The following ADCY9 variants were observed in gnomAD, a reference collection of about 807,000 sequenced individuals.
The protein encoded by ADCY9 is adenylate cyclase type 9.
Under a neutral mutation model 101.5 loss-of-function variants are expected in ADCY9, and 50 were observed. That is an observed-to-expected ratio of 0.49 (90% CI 0.39 to 0.62). ADCY9 has a LOEUF of 0.62. Among genes scored for constraint, ADCY9 ranks in the 20% least tolerant of loss-of-function variants. ADCY9 has a pLI of 0.00. For synonymous variants in ADCY9, 905 were observed against 769.3 expected (o/e 1.18, Z -2.92); for missense variants, 1,662 against 1,800.4 (o/e 0.92, Z 1.39).
intron 2 of ADCY9, among the ~76,000 whole-genome samples, chr16:4,056,402 C>T (rs1039307769): frequency 1.3e-5 from 2 of 152,156 alleles, no homozygotes; most frequent in African/African-American, 4.8e-5. Flanking sequence ...GATAGGCGTG[C>T]ACCACCACAC....
chr16:4,012,551 C>G (rs530650654), intron 2 of ADCY9, among the ~76,000 whole-genome samples: 2 of 150,608 alleles, frequency 1.3e-5, no homozygotes, highest in Non-Finnish European at 2.9e-5. Flanking sequence ...TTCTTATATT[C>G]TTTCCTGGTT....
At chr16:3,972,905 T>C (rs1422196937) in intron 10 of ADCY9, among the ~76,000 whole-genome samples, 1 of 152,110 alleles carries the variant, frequency 6.6e-6, no homozygotes, top group Non-Finnish European at 1.5e-5. Flanking sequence ...TCAGGTACTC[T>C]TCTGTGCATA....
chr16:4,092,201 C>G (rs761989272), intron 2 of ADCY9, among the ~76,000 whole-genome samples: 4 of 152,150 alleles, frequency 2.6e-5, no homozygotes, highest in Non-Finnish European at 5.9e-5. Context: ...ATCCAGGAAA[C>G]GGAGGTTGCA....
chr16:4,018,085 T>G (rs1291078920), intron 2 of ADCY9, among the ~76,000 whole-genome samples: 1 of 152,216 alleles, frequency 6.6e-6, no homozygotes, highest in Non-Finnish European at 1.5e-5. Flanking sequence ...CCACAGGTGG[T>G]TATACCTGCA....
intron 2 of ADCY9, among the ~76,000 whole-genome samples, chr16:4,041,914 G>A (rs922112861): frequency 2.3e-5 from 3 of 129,104 alleles, no homozygotes; most frequent in African/African-American, 8.6e-5. Flanking sequence ...ACTGCCCCCA[G>A]CTAAGTTTTT....
rs774765745 is a variant in ADCY9, at chr16:4,114,817, G to A, written c.626C>T (p.Ala209Val). The change falls in exon 2 of 11, where the codon GCC (alanine) becomes GTC (valine). Residue 209 changes from alanine to valine, a missense_variant. By Grantham distance (64) the Ala-to-Val change is moderately conservative. This residue lies in a region of ADCY9 where 422 missense variants were observed against 392.0 expected (regional missense o/e 1.08). Coordinates refer to ENST00000294016, the MANE Select transcript of ADCY9 (RefSeq NM_001116.4). The surrounding 1 kb of genome is among the most constrained non-coding windows in gnomAD (Gnocchi z 4.3). ...SGRGDSSNLT[A>V]TARPTDTCLS... ...GCAAGTATCTGTGGGCCGGGCTGTG[G>A]CCGTAAGGTTGGAGCTGTCGCCGCG... 5.0e-6 allele frequency: 8 copies of A among 1,613,452 alleles called. No homozygotes were observed. In the Admixed American group the frequency reaches 1.0e-4, roughly 20 times the overall value.
At chr16:3,986,442 A>G (rs1007568757) in intron 6 of ADCY9, among the ~76,000 whole-genome samples, 1 of 151,930 alleles carries the variant, frequency 6.6e-6, no homozygotes, top group African/African-American at 2.4e-5. Flanking sequence ...CTCAGCTGAT[A>G]CATGTTTGTT....
At chr16:4,087,888 T>C (rs2056949913) in intron 2 of ADCY9, among the ~76,000 whole-genome samples, 2 of 151,612 alleles carry the variant, frequency 1.3e-5, no homozygotes. Context: ...TCTCTCGCTC[T>C]CTCCCTCTCT....
intron 10 of ADCY9, among the ~76,000 whole-genome samples, chr16:3,970,277 T>C (rs780618077): frequency 3.9e-5 from 6 of 152,168 alleles, no homozygotes; most frequent in Non-Finnish European, 7.3e-5. Flanking sequence ...CCAATCTGCC[T>C]GCCTTAGCCT....
chr16:3,957,442 A>T (rs1039481152), intron 5 of ADCY9, among the ~76,000 whole-genome samples: 1 of 151,638 alleles, frequency 6.6e-6, no homozygotes, highest in African/African-American at 2.4e-5. Flanking sequence ...GTGCCTGGTG[A>T]TCTTGTTGCT....
At chr16:4,007,323 A>G (rs2056372884) in intron 3 of ADCY9, 45 bp downstream of exon 3, 1 of 1,467,832 alleles carries the variant, frequency 6.8e-7, no homozygotes, top group Non-Finnish European at 9.0e-7. Flanking sequence ...CTGCAGAATT[A>G]ATAGAAAGTT....
In ADCY9 at chr16:3,966,395, C is replaced by T. The variant is rs1338947684; in HGVS notation, c.3442G>A (p.Val1148Met). 7 of 1,614,026 alleles carry T rather than the reference C, an allele frequency of 4.3e-6. No homozygotes were observed. The highest frequency in any genetic ancestry group is 2.2e-5 in the East Asian group (1 of 44,878). The change falls in exon 11 of 11, where the codon GTG (valine) becomes ATG (methionine). Residue 1148 changes from valine (V) to methionine (M), a missense_variant. By Grantham distance (21) the Val-to-Met change is conservative. Around this residue, in one of 5 missense-constraint regions of ADCY9, gnomAD observed 220 missense variants for 312.9 expected, o/e 0.70. Coordinates refer to ENST00000294016, the MANE Select transcript of ADCY9 (RefSeq NM_001116.4). Reference protein sequence around the residue: ...LFEFAKEMMRVVDDFNNNMLW... With the variant: ...LFEFAKEMMRMVDDFNNNMLW... ...ATGTTGTTGTTGAAGTCGTCCACCA[C>T]GCGCATCATCTCCTTGGCGAACTCG...
At chr16:4,070,121 T>C (rs2056824632) in intron 2 of ADCY9, among the ~76,000 whole-genome samples, 1 of 27,386 alleles carries the variant, frequency 3.7e-5, no homozygotes, top group Non-Finnish European at 8.9e-5. Context: ...TGTGTGTGTA[T>C]GTGTGTGTGT....
chr16:4,030,668 G>A (rs1439130100), intron 2 of ADCY9, among the ~76,000 whole-genome samples: 1 of 151,254 alleles, frequency 6.6e-6, no homozygotes, highest in Non-Finnish European at 1.5e-5. Flanking sequence ...ATGGCATCGC[G>A]CTCCAGCCTG....
intron 5 of ADCY9, among the ~76,000 whole-genome samples, chr16:3,953,667 C>T (rs1036943744): frequency 2.6e-5 from 4 of 152,198 alleles, no homozygotes; most frequent in African/African-American, 9.7e-5. Context: ...CTGTGGATTT[C>T]CTTATTCTGT....
intron 2 of ADCY9, among the ~76,000 whole-genome samples, chr16:4,013,259 G>GA (rs59503747): frequency 6.7e-6 from 1 of 149,250 alleles, no homozygotes; most frequent in East Asian, 2.0e-4. Flanking sequence ...AAAAAAAAAA[G>GA]AAAAAGAAAA....
chr16:4,027,749 T>A (rs768408373), intron 2 of ADCY9, among the ~76,000 whole-genome samples: 11 of 152,000 alleles, frequency 7.2e-5, no homozygotes, highest in Non-Finnish European at 1.0e-4. Flanking sequence ...TGGTGGTCCA[T>A]GCCTGTAATC....
intron 2 of ADCY9, among the ~76,000 whole-genome samples, chr16:4,060,332 G>A (rs1413988113): frequency 6.6e-6 from 1 of 152,174 alleles, no homozygotes; most frequent in African/African-American, 2.4e-5. Flanking sequence ...CACACAGGCA[G>A]GAAAGACTGA....
chr16:3,991,172 T>C (rs1030870991), intron 5 of ADCY9, among the ~76,000 whole-genome samples: 1 of 152,222 alleles, frequency 6.6e-6, no homozygotes, highest in Admixed American at 6.5e-5. Context: ...TCTAGGGAAT[T>C]CTGATGGGGA....
Sources: allele counts gnomAD v4.1 joint callset (sites outside exome capture counted in the v4.1 genomes callset), GRCh38; gene constraint gnomAD v4.1.1; regional missense constraint gnomAD v4.1.1; non-coding constraint Gnocchi (gnomAD v3.1); transcripts MANE v1.5; gene names NCBI Gene and HGNC (gene_info 2026-07-23, HGNC 2026-07-21).